Variants in FHAD1 observed in about 807,000 individuals in gnomAD.
The protein encoded by FHAD1 is forkhead associated phosphopeptide binding domain 1.
Under a neutral mutation model 191.3 loss-of-function variants are expected in FHAD1, and 146 were observed. The ratio of observed to expected loss-of-function variants is 0.76; its 90% confidence interval spans 0.67 to 0.88. The LOEUF is 0.88. Among genes scored for constraint, FHAD1 ranks in the 40% least tolerant of loss-of-function variants. The pLI is 0.00. For missense variants in FHAD1, 1,635 were observed against 1,785.8 expected (o/e 0.92, Z 1.52); for synonymous variants, 616 against 672.3 (o/e 0.92, Z 1.29).
chr1:15,382,382 A>G (rs1701118339), intron 31 of FHAD1, among the ~76,000 whole-genome samples, 189 bp downstream of exon 31: 1 of 152,162 alleles, frequency 6.6e-6, no homozygotes, highest in Admixed American at 6.5e-5. Context: ...TTGCTATGTG[A>G]CCTTAGATAG....
downstream of FHAD1, chr1:15,400,351 C>T (rs1296358358): frequency 6.6e-6 from 1 of 152,246 alleles, no homozygotes. Flanking sequence ...CTTAAAATGA[C>T]AAATATTTAT....
chr1:15,303,586 AC>A (rs1669485489), intron 6 of FHAD1, among the ~76,000 whole-genome samples: 1 of 152,222 alleles, frequency 6.6e-6, no homozygotes, highest in South Asian at 2.1e-4. Flanking sequence ...GTGGTGGCTC[AC>A]GCCTGTAATC....
At chr1:15,385,181 CA>C (rs1400010946) in intron 31 of FHAD1, among the ~76,000 whole-genome samples, 1 of 147,768 alleles carries the variant, frequency 6.8e-6, no homozygotes, top group Non-Finnish European at 1.5e-5. Context: ...TCAGAGAAAA[CA>C]GTTTTTTTTC....
chr1:15,367,539 T>C lies in FHAD1; in HGVS notation c.3231T>C (p.Ser1077=), dbSNP rs759129539. The change falls in exon 25 of 34, where the codon AGT becomes AGC. Residue 1077 remains serine (S), a synonymous_variant. Coordinates refer to ENST00000688493, the MANE Select transcript of FHAD1 (RefSeq NM_001391957.1). ...VLVQQQSKEL[S]VLKEKMAQMS... ...TCCAGCAGCAGAGCAAGGAGCTGAGTGTGCTCAAGGAGAAGATGGCCCAGA... is the reference window on the plus strand; with the variant it reads ...TCCAGCAGCAGAGCAAGGAGCTGAGCGTGCTCAAGGAGAAGATGGCCCAGA... 16 of 1,545,920 alleles carry C rather than the reference T, an allele frequency of 1.0e-5. No homozygotes were observed. The highest frequency in any genetic ancestry group is 1.3e-5 in the Non-Finnish European group (15 of 1,145,008).
At chr1:15,388,209 T>C in intron 32 of FHAD1, 78 bp downstream of exon 32, 1 of 900,326 alleles carries the variant, frequency 1.1e-6, no homozygotes, top group South Asian at 1.4e-5. Flanking sequence ...GGCATGCAAA[T>C]GCCTGCACGC....
intron 33 of FHAD1, 146 bp from the exon 34 acceptor site, chr1:15,397,151 A>T: frequency 2.6e-6 from 1 of 387,154 alleles, no homozygotes. Context: ...AGATCACACC[A>T]CTGCACTCCA....
chr1:15,382,021 C>G lies in FHAD1; in HGVS notation c.4023-7C>G. The G allele has an allele frequency of 6.4e-7, 1 of 1,551,910 alleles. No individual in the cohort carries two copies. The highest frequency in any genetic ancestry group is 8.7e-7 in the Non-Finnish European group (1 of 1,146,998). On this transcript the variant is annotated splice_polypyrimidine_tract_variant and splice_region_variant and intron_variant, in intron 30 of 33. Coordinates refer to ENST00000688493, the MANE Select transcript of FHAD1 (RefSeq NM_001391957.1). ...AAAAACAGACGCCATCTCTCCTGTG[C>G]ACCCAGGCGGAGCAAAGTGTCCATT...
chr1:15,321,732 AGT>A (rs1018055320), intron 10 of FHAD1, among the ~76,000 whole-genome samples: 9 of 152,092 alleles, frequency 5.9e-5, no homozygotes, highest in African/African-American at 9.7e-5. Flanking sequence ...TTCTCTCAGG[AGT>A]GTGTGTACAT....
rs569297034 is a variant in FHAD1 at position 15,248,755 on chromosome 1, T to C, written c.-15+1360T>C. 4.6e-5 allele frequency among the ~76,000 whole-genome samples: 7 copies of C among 152,172 alleles called. No individual in the cohort carries two copies. In the South Asian group the frequency reaches 1.5e-3, roughly 32 times the overall value. On this transcript the variant is annotated intron_variant, in intron 1 of 33. Transcript: ENST00000688493. ...TGCAAGCCACCATGCCCGGCTAATT[T>C]TTTTGTGTTTTTAGTAGAGACAGGG...
In FHAD1 at chr1:15,327,089, G is replaced by A; in HGVS notation, c.1504G>A (p.Ala502Thr). 6.4e-7 allele frequency: 1 copy of A among 1,551,324 alleles called. No individual in the cohort carries two copies. The highest frequency in any genetic ancestry group is 8.7e-7 in the Non-Finnish European group (1 of 1,146,888). Residue 502 changes from alanine (A) to threonine (T), a missense_variant, in exon 12 of 34, where the codon GCC becomes ACC. Ala to Thr is a moderately conservative substitution (Grantham distance 58). Transcript: ENST00000688493. This position sits in a 1 kb window ranked among gnomAD's most constrained non-coding sequence, Gnocchi z 5.1. ...LEHFRSQVIKATYGRAKPFRD... is the reference protein window; with the variant it reads ...LEHFRSQVIKTTYGRAKPFRD... ...GCACTTCAGAAGTCAAGTCATCAAG[G>A]CCACCTATGGACGGGCGAAGCCGTT...
intron 23 of FHAD1, 35 bp from the exon 24 acceptor site, chr1:15,365,792 G>A: frequency 7.2e-7 from 1 of 1,386,782 alleles, no homozygotes; most frequent in Non-Finnish European, 1.0e-6. Context: ...TGGAGTTTGA[G>A]TTGAACTGAC....
Position 15,289,390 on chromosome 1 carries a change from C to T in FHAD1, c.301-9C>T. On this transcript the variant is annotated splice_polypyrimidine_tract_variant and intron_variant, in intron 3 of 33. Coordinates refer to ENST00000688493, the MANE Select transcript of FHAD1 (RefSeq NM_001391957.1). The surrounding 1 kb of genome is among the most constrained non-coding windows in gnomAD (Gnocchi z 4.2). Reference sequence around the variant, plus strand: ...CATAACCTCCCCTGACCCTTGTCTGCCCCTGCAGGTCTCTTTCCCATGGAT... The same window carrying T: ...CATAACCTCCCCTGACCCTTGTCTGTCCCTGCAGGTCTCTTTCCCATGGAT... 1 of 1,550,602 alleles carries T rather than the reference C, an allele frequency of 6.4e-7. No individual in the cohort carries two copies. Among genetic ancestry groups the T allele is most frequent in the South Asian group, 1.2e-5 (1 of 83,978 alleles).
intron 1 of FHAD1, among the ~76,000 whole-genome samples, chr1:15,241,685 A>AC (rs1003106055): frequency 6.0e-5 from 9 of 150,778 alleles, no homozygotes; most frequent in African/African-American, 2.2e-4. Context: ...AAACAAAAAA[A>AC]ACCCAGAACG....
chr1:15,345,361 A>ACT (rs1688479204), intron 17 of FHAD1, 55 bp from the exon 18 acceptor site: 10 of 1,487,530 alleles, frequency 6.7e-6, no homozygotes, highest in African/African-American at 1.4e-5. Context: ...TGCCTGGCAG[A>ACT]GTCCAGTTTC....
downstream of FHAD1, among the ~76,000 whole-genome samples, chr1:15,399,165 A>AT (rs1454827733): frequency 6.6e-6 from 1 of 152,168 alleles, no homozygotes; most frequent in Non-Finnish European, 1.5e-5. Context: ...TTTTTTTTAT[A>AT]TTTTAAAACC....
chr1:15,394,306 A>G (rs925579218), intron 33 of FHAD1, among the ~76,000 whole-genome samples: 1 of 152,106 alleles, frequency 6.6e-6, no homozygotes, highest in African/African-American at 2.4e-5. Flanking sequence ...CCTGGCTCCA[A>G]CTCTGACAGC....
intron 17 of FHAD1, 110 bp downstream of exon 17, chr1:15,345,300 CCA>C: frequency 7.5e-7 from 1 of 1,332,654 alleles, no homozygotes; most frequent in South Asian, 1.3e-5. Context: ...GCTGTGCTGT[CCA>C]CAGTCCCCTA....
intron 24 of FHAD1, 87 bp from the exon 25 acceptor site, chr1:15,367,376 A>G (rs1696806358): frequency 1.4e-6 from 2 of 1,434,164 alleles, no homozygotes; most frequent in Middle Eastern, 1.8e-4. Flanking sequence ...CATGCCCGTA[A>G]TCCCACGTAC....
rs2294490 is a variant in FHAD1, at chr1:15,397,347, G to A, written c.4374G>A (p.Leu1458=). ...AGATGGACCAAGAAAGAGAGATGCT[G>A]AGGAAAGAGACCTCCAGCAAGTCCA... ...SLKMDQEREM[L]RKETSSKSSQ... The change falls in exon 34 of 34, where the codon CTG becomes CTA. Residue 1458 remains leucine (L), a synonymous_variant. Transcript: ENST00000688493. 667,771 of 1,542,130 alleles carry A rather than the reference G, an allele frequency of 0.43. 150,263 individuals are homozygous for A. Among genetic ancestry groups the A allele is most frequent in the East Asian group, 0.47 (19,086 of 40,728 alleles).
Sources: gnomAD v4.1 joint callset for allele counts (sites outside exome capture counted in the v4.1 genomes callset) on GRCh38, gnomAD v4.1.1 for gene constraint, Gnocchi (gnomAD v3.1) non-coding constraint, MANE v1.5 for transcripts, NCBI Gene and HGNC (gene_info 2026-07-23, HGNC 2026-07-21) for gene names.